Variants in CELSR2 observed in about 807,000 individuals in gnomAD.
The protein encoded by CELSR2 is cadherin EGF LAG seven-pass G-type receptor 2.
A neutral mutation model predicts 251.6 loss-of-function variants in CELSR2; 81 were observed. The observed-to-expected ratio is 0.32, with a 90% CI of 0.27 to 0.39. CELSR2 has a LOEUF of 0.39. CELSR2 is among the 10% of genes least tolerant of loss of function. CELSR2 has a pLI of 1.00. For synonymous variants in CELSR2, 1,721 were observed against 1,670.5 expected (o/e 1.03, Z -0.74); for missense variants, 3,365 against 3,947.7 (o/e 0.85, Z 3.96).
chr1:109,273,908 G>A, intron 33 of CELSR2, 114 bp from the exon 34 acceptor site: 1 of 1,403,110 alleles, frequency 7.1e-7, no homozygotes, highest in Non-Finnish European at 1.0e-6. Context: ...GGGAGGATGG[G>A]GAGCTGGGGG....
chr1:109,268,951 G>A lies in CELSR2; in HGVS notation c.6574G>A (p.Gly2192Arg), dbSNP rs1380386564. The change falls in exon 19 of 34, where the codon GGG becomes AGG. Residue 2192 changes from glycine to arginine, a missense_variant. Around this residue, in one of 5 missense-constraint regions of CELSR2, gnomAD observed 2,093 missense variants for 2,382.8 expected, o/e 0.88. Coordinates refer to ENST00000271332, the MANE Select transcript of CELSR2 (RefSeq NM_001408.3). ...AKLPRYEALR[G>R]EQPPDLETTV... is the part of the protein sequence containing the mutation. Reference sequence around the variant, plus strand: ...GCTGCCCCGCTACGAGGCCCTGCGTGGGGAGCAGCCCCCGGACCTTGAGAC... The same window carrying A: ...GCTGCCCCGCTACGAGGCCCTGCGTAGGGAGCAGCCCCCGGACCTTGAGAC... The A allele has an allele frequency of 1.9e-6, 3 of 1,613,654 alleles. No individual in the cohort carries two copies. The highest frequency in any genetic ancestry group is 2.5e-6 in the Non-Finnish European group (3 of 1,179,690).
chr1:109,275,603 G>A lies in CELSR2; in HGVS notation c.*1554G>A, dbSNP rs545113487. ...AACTGGTTTTTACTACTGATGACTTGATTTAAAAAAAATACAAAGATGCTG... is the reference window on the plus strand; with the variant it reads ...AACTGGTTTTTACTACTGATGACTTAATTTAAAAAAAATACAAAGATGCTG... On this transcript the variant is annotated 3_prime_UTR_variant, in exon 34 of 34. Transcript: ENST00000271332. 7.2e-5 allele frequency: 10 copies of A among 139,346 alleles called. No homozygotes were observed. The highest frequency in any genetic ancestry group is 2.5e-4 in the African/African-American group (10 of 40,656). The allele number at this position is 139,346 out of a possible 1,614,324, so 8.6% of individuals were successfully genotyped here.
rs1361150029 is a variant in CELSR2, at chr1:109,268,669, G to C, written c.6407G>C (p.Trp2136Ser). The change falls in exon 18 of 34, where the codon TGG becomes TCG. Residue 2136 changes from tryptophan to serine, a missense_variant. By Grantham distance (177) the Trp-to-Ser change is radical. Transcript: ENST00000271332. Reference sequence around the variant, plus strand: ...CAGCAGACAGAGGGTGGCACCGCCTGGCTGCTCCAGCACTATGAGGCCTAC... The same window carrying C: ...CAGCAGACAGAGGGTGGCACCGCCTCGCTGCTCCAGCACTATGAGGCCTAC... ...LIQQTEGGTAWLLQHYEAYAS... is the reference protein window; with the variant it reads ...LIQQTEGGTASLLQHYEAYAS... The C allele has an allele frequency of 6.2e-7, 1 of 1,613,944 alleles. No individual in the cohort carries two copies. The highest frequency in any genetic ancestry group is 8.5e-7 in the Non-Finnish European group (1 of 1,179,996).
chr1:109,253,425 A>C, intron 1 of CELSR2, 36 bp downstream of exon 1: 1 of 1,589,468 alleles, frequency 6.3e-7, no homozygotes, highest in Non-Finnish European at 8.6e-7. Context: ...GGGTGGGGGT[A>C]GCTCGCGGGG....
Position 109,265,883 on chromosome 1 carries a change from AC to A in CELSR2, c.5879del (p.Pro1960LeufsTer12), listed in dbSNP as rs1400482493. The A allele has an allele frequency of 6.2e-7, 1 of 1,613,684 alleles. No homozygotes were observed. The highest frequency in any genetic ancestry group is 8.5e-7 in the Non-Finnish European group (1 of 1,179,906). ...GGGCGTCAGTGTGACCGCTGTGACA[AC>A]CCTTTTGCTGAGGTCACCACCAATG... ...VIGRQCDRCDNPFAEVTTNGC... is the reference protein window; with the variant it reads ...VIGRQCDRCDXPFAEVTTNGC... On this transcript the variant is annotated frameshift_variant, in exon 14 of 34. Coordinates refer to ENST00000271332, the MANE Select transcript of CELSR2 (RefSeq NM_001408.3). LOFTEE classifies it high-confidence loss of function.
At chr1:109,255,925 C>T (rs1004205301) in intron 1 of CELSR2, among the ~76,000 whole-genome samples, 4 of 152,166 alleles carry the variant, frequency 2.6e-5, no homozygotes, top group Admixed American at 2.0e-4. Flanking sequence ...GGGGCCCAGG[C>T]GGGGCCTAAG....
chr1:109,269,775 C>T lies in CELSR2; in HGVS notation c.7062C>T (p.Asn2354=), dbSNP rs1482051403. ...RNESHVSCQC[N]HMTSFAVLMD... ...AGAGCCACGTCAGCTGCCAGTGCAA[C>T]CACATGACGAGCTTCGCTGTGCTCA... Residue 2354 remains asparagine, a synonymous_variant, in exon 22 of 34, where the codon AAC becomes AAT. Transcript: ENST00000271332. This position sits in a 1 kb window ranked among gnomAD's most constrained non-coding sequence, Gnocchi z 6.4. 1.2e-6 allele frequency: 2 copies of T among 1,613,770 alleles called. No individual in the cohort carries two copies. The highest frequency in any genetic ancestry group is 2.2e-5 in the East Asian group (1 of 44,844).
At position 109,251,906 on chromosome 1, in the gene CELSR2, C is replaced by G; in HGVS notation, c.1827C>G (p.Thr609=). 6.2e-7 allele frequency: 1 copy of G among 1,614,134 alleles called. No individual in the cohort carries two copies. Among genetic ancestry groups the G allele is most frequent in the Non-Finnish European group, 8.5e-7 (1 of 1,180,034 alleles). Residue 609 remains threonine, a synonymous_variant, in exon 1 of 34, where the codon ACC becomes ACG. Transcript: ENST00000271332. This position sits in a 1 kb window ranked among gnomAD's most constrained non-coding sequence, Gnocchi z 4.9. ...TGGATGTCAACGACAACAATCCAAC[C>G]TTTACCCAACCAGAGTACACAGTGC... is the stretch of plus-strand genomic sequence containing the variant. The part of the protein sequence containing the change: ...TVLDVNDNNP[T]FTQPEYTVRL...
At chr1:109,256,445 CTG>C (rs1655848556) in intron 1 of CELSR2, among the ~76,000 whole-genome samples, 1 of 152,180 alleles carries the variant, frequency 6.6e-6, no homozygotes, top group Non-Finnish European at 1.5e-5. Context: ...AGATGGGGGT[CTG>C]CTTTCAGCCT....
Position 109,261,966 on chromosome 1 carries a change from C to A in CELSR2, c.4386+70C>A. ...CAGGTGCTTACCCAGCCCTGAGTGGCATTGCCTCCAGGCTTGGGTGGGCTG... is the reference window on the plus strand; with the variant it reads ...CAGGTGCTTACCCAGCCCTGAGTGGAATTGCCTCCAGGCTTGGGTGGGCTG... On this transcript the variant is annotated intron_variant, in intron 5 of 33. Transcript: ENST00000271332. The surrounding 1 kb of genome is among the most constrained non-coding windows in gnomAD (Gnocchi z 4.8). 6.9e-7 allele frequency: 1 copy of A among 1,459,084 alleles called. No individual in the cohort carries two copies. Among genetic ancestry groups the A allele is most frequent in the Non-Finnish European group, 9.4e-7 (1 of 1,063,448 alleles). The allele number at this position is 1,459,084 out of a possible 1,614,324, so 90.4% of individuals were successfully genotyped here.
chr1:109,270,423 C>T lies in CELSR2; in HGVS notation c.7309-3C>T. 1 of 1,614,164 alleles carries T rather than the reference C, an allele frequency of 6.2e-7. No individual in the cohort carries two copies. The highest frequency in any genetic ancestry group is 8.5e-7 in the Non-Finnish European group (1 of 1,180,018). On this transcript the variant is annotated splice_polypyrimidine_tract_variant and splice_region_variant and intron_variant, in intron 23 of 33. Transcript: ENST00000271332. ...GCTGACCTGCCCTGGCCTGGGCCCT[C>T]AGTTTGCCTGCACAGTCATTGCCAT...
intron 30 of CELSR2, 44 bp from the exon 31 acceptor site, chr1:109,272,789 G>A: frequency 2.5e-6 from 4 of 1,613,016 alleles, no homozygotes; most frequent in East Asian, 2.2e-5. Flanking sequence ...CTGAAGGTGG[G>A]TGGAGGTGGC....
intron 2 of CELSR2, 152 bp downstream of exon 2, chr1:109,259,231 C>G (rs2101248657): frequency 1.4e-6 from 1 of 705,076 alleles, no homozygotes; most frequent in Admixed American, 2.9e-5. Context: ...TGCTCCCTGA[C>G]AGCACCCCAC....
Position 109,253,329 on chromosome 1 carries a change from C to T in CELSR2, c.3250C>T (p.Leu1084=), listed in dbSNP as rs762725177. 3 of 1,613,442 alleles carry T rather than the reference C, an allele frequency of 1.9e-6. No homozygotes were observed. Among genetic ancestry groups the T allele is most frequent in the Admixed American group, 3.3e-5 (2 of 60,024 alleles). ...LLNASTGELK[L]SRALDNNRPL... The stretch of plus-strand genomic sequence containing the variant: ...CAATGCCTCCACGGGTGAGCTGAAG[C>T]TAAGCCGCGCACTGGACAACAACCG... Residue 1084 remains leucine, a synonymous_variant, in exon 1 of 34, where the codon CTA becomes TTA. Transcript: ENST00000271332.
chr1:109,255,163 C>T (rs1245583209), intron 1 of CELSR2, among the ~76,000 whole-genome samples: 2 of 152,368 alleles, frequency 1.3e-5, no homozygotes, highest in Admixed American at 1.3e-4. Flanking sequence ...GCAGTCACCA[C>T]GGCAACCCCA....
chr1:109,265,486 G>A (rs1283415536), intron 13 of CELSR2, among the ~76,000 whole-genome samples, 175 bp downstream of exon 13: 1 of 152,260 alleles, frequency 6.6e-6, no homozygotes, highest in African/African-American at 2.4e-5. Flanking sequence ...GGCGCAGGGG[G>A]ACCCTGGGCC....
intron 2 of CELSR2, among the ~76,000 whole-genome samples, chr1:109,260,525 C>G (rs1343243962): frequency 6.6e-6 from 1 of 152,140 alleles, no homozygotes; most frequent in African/African-American, 2.4e-5. Flanking sequence ...GGTCCCATCC[C>G]CAGGGAGGGA....
chr1:109,252,646 GA>G lies in CELSR2; in HGVS notation c.2568del (p.Gly857AlafsTer51), dbSNP rs1655728049. The G allele has an allele frequency of 6.2e-7, 1 of 1,613,790 alleles. No individual in the cohort carries two copies. The highest frequency in any genetic ancestry group is 1.3e-5 in the African/African-American group (1 of 74,936). ...GGCAGGGTCTTCTACACCTTCCAAG[GA>G]GGCGACGATGGAGACGGTGACTTTA... ...LNGRVFYTFQ[G>X]GDDGDGDFIV... On this transcript the variant is annotated frameshift_variant, in exon 1 of 34. Transcript: ENST00000271332. LOFTEE classifies it high-confidence loss of function. This position sits in a 1 kb window ranked among gnomAD's most constrained non-coding sequence, Gnocchi z 4.8.
In CELSR2 at chr1:109,272,347, C is replaced by T. The variant is rs2101282537; in HGVS notation, c.7996C>T (p.Leu2666=). ...YQPYGDSAGS[L]HSTSRSGKSQ... ...GCCCTACGGAGACTCGGCCGGCTCT[C>T]TGCACAGCACCAGTCGCTCGGGCAA... Residue 2666 remains leucine (L), a synonymous_variant, in exon 29 of 34, where the codon CTG becomes TTG. Transcript: ENST00000271332. 6.2e-7 allele frequency: 1 copy of T among 1,612,720 alleles called. No individual in the cohort carries two copies. The highest frequency in any genetic ancestry group is 8.5e-7 in the Non-Finnish European group (1 of 1,179,136).
Sources: allele counts gnomAD v4.1 joint callset (sites outside exome capture counted in the v4.1 genomes callset), GRCh38; gene constraint gnomAD v4.1.1; regional missense constraint gnomAD v4.1.1; non-coding constraint Gnocchi (gnomAD v3.1); transcripts MANE v1.5; gene names NCBI Gene and HGNC (gene_info 2026-07-23, HGNC 2026-07-21).